The following LAG3 variants were observed in gnomAD, a reference collection of about 807,000 sequenced individuals.
The protein encoded by LAG3 is lymphocyte activating 3.
LAG3 carries 29 observed loss-of-function variants against 49.0 expected under a neutral mutation model. The ratio of observed to expected loss-of-function variants is 0.59; its 90% CI spans 0.44 to 0.81. LAG3 has a LOEUF of 0.81. Ranked by LOEUF, LAG3 falls within the 30% of genes least tolerant of loss-of-function variation. The pLI, the probability that LAG3 is intolerant of heterozygous loss-of-function variation, is 0.00. For synonymous variants in LAG3, 320 were observed against 297.3 expected (o/e 1.08, Z -0.79); for missense variants, 693 against 695.2 (o/e 1.00, Z 0.04).
At chr12:6,774,078 T>A in intron 3 of LAG3, 77 bp downstream of exon 3, 1 of 1,365,920 alleles carries the variant, frequency 7.3e-7, no homozygotes, top group South Asian at 1.7e-5. Flanking sequence ...CAGGAAGGGC[T>A]GGGGCAGAGG....
chr12:6,773,053 G>A lies in LAG3; in HGVS notation c.59-139G>A. On this transcript the variant is annotated intron_variant, in intron 1 of 7. Coordinates refer to ENST00000203629, the MANE Select transcript of LAG3 (RefSeq NM_002286.6). This position sits in a 1 kb window ranked among gnomAD's most constrained non-coding sequence, Gnocchi z 5.5. ...TTTGGGCAGTCCTTCCACCCCGAAA[G>A]CCTCTCTGGGCAGAGAAGAAACAGA... 1 of 1,359,394 alleles carries A rather than the reference G, an allele frequency of 7.4e-7. No individual in the cohort carries two copies. The highest frequency in any genetic ancestry group is 1.0e-6 in the Non-Finnish European group (1 of 980,952). 84.2% of individuals were successfully genotyped at this position (1,359,394 alleles called of 1,614,324 possible).
In LAG3 at chr12:6,774,623, A is replaced by G; in HGVS notation, c.540A>G (p.Arg180=). 4 of 1,613,940 alleles carry G rather than the reference A, an allele frequency of 2.5e-6. No individual in the cohort carries two copies. Among genetic ancestry groups the G allele is most frequent in the Middle Eastern group, 1.7e-4 (1 of 6,060 alleles). Residue 180 remains arginine (R), a synonymous_variant, in exon 4 of 8, where the codon AGA becomes AGG. Coordinates refer to ENST00000203629, the MANE Select transcript of LAG3 (RefSeq NM_002286.6). ...CTGCCAGCCCCCCAGGATCTCTCAG[A>G]GCCTCCGACTGGGTCATTTTGAACT... ...SMTASPPGSL[R]ASDWVILNCS...
Position 6,777,376 on chromosome 12 carries a change from G to T in LAG3, c.1170G>T (p.Gln390His), listed in dbSNP as rs891464358. 1 of 1,614,182 alleles carries T rather than the reference G, an allele frequency of 6.2e-7. No homozygotes were observed. Among genetic ancestry groups the T allele is most frequent in the South Asian group, 1.1e-5 (1 of 91,082 alleles). The change falls in exon 6 of 8, where the codon CAG becomes CAT. Residue 390 changes from glutamine to histidine, a missense_variant. By Grantham distance (24) the Gln-to-His change is conservative. Coordinates refer to ENST00000203629, the MANE Select transcript of LAG3 (RefSeq NM_002286.6). ...GGAGCTCTCTGGACACCCCATCCCA[G>T]AGGAGTTTCTCAGGACCTTGGCTGG... ...FVWSSLDTPS[Q>H]RSFSGPWLEA...
Position 6,774,850 on chromosome 12 carries a change from A to G in LAG3, c.767A>G (p.Asn256Ser). ...RDGFNVSIMYNLTVLGLEPPT... is the reference protein window; with the variant it reads ...RDGFNVSIMYSLTVLGLEPPT... ...GGCTTCAACGTCTCCATCATGTATA[A>G]CCTCACTGTTCTGGGTAACTCCCCC... The change falls in exon 4 of 8, where the codon AAC (asparagine) becomes AGC (serine). Residue 256 changes from asparagine (N) to serine (S), a missense_variant. By Grantham distance (46) the Asn-to-Ser change is conservative. Coordinates refer to ENST00000203629, the MANE Select transcript of LAG3 (RefSeq NM_002286.6). 6.2e-7 allele frequency: 1 copy of G among 1,613,670 alleles called. No individual in the cohort carries two copies. The highest frequency in any genetic ancestry group is 1.1e-5 in the South Asian group (1 of 91,066).
At chr12:6,776,852 G>A (rs1187804562) in intron 5 of LAG3, among the ~76,000 whole-genome samples, 14 of 152,218 alleles carry the variant, frequency 9.2e-5, no homozygotes, top group Admixed American at 9.2e-4. Flanking sequence ...TATTTATTCT[G>A]TGGTCTGCCA....
chr12:6,774,046 C>T lies in LAG3; in HGVS notation c.511+45C>T, dbSNP rs1402165018. 5 of 1,374,986 alleles carry T rather than the reference C, an allele frequency of 3.6e-6. No individual in the cohort carries two copies. The South Asian group carries it at 5.0e-5, about 14-fold the overall frequency. The allele number at this position is 1,374,986 out of a possible 1,614,324, so 85.2% of individuals were successfully genotyped here. A position where few individuals can be genotyped will look rare whatever the true frequency, so the allele number is the denominator to read the frequency against. ...GGGAGAAGGGCTGGGAGGTGGGTCC[C>T]CATCCCCTGCCTCCCGGGACGCAGG... is the stretch of plus-strand genomic sequence containing the variant. On this transcript the variant is annotated intron_variant, in intron 3 of 7. Coordinates refer to ENST00000203629, the MANE Select transcript of LAG3 (RefSeq NM_002286.6).
At chr12:6,778,218 GTC>G (rs1370227111) in intron 7 of LAG3, 24 bp from the exon 8 acceptor site, 4 of 1,556,476 alleles carry the variant, frequency 2.6e-6, no homozygotes, top group Non-Finnish European at 3.5e-6. Flanking sequence ...TCCGCCCTCC[GTC>G]TCTCTCTCCA....
Position 6,775,349 on chromosome 12 carries a change from T to G in LAG3, c.858T>G (p.Ala286=). 6.2e-7 allele frequency: 1 copy of G among 1,614,218 alleles called. No individual in the cohort carries two copies. Among genetic ancestry groups the G allele is most frequent in the Non-Finnish European group, 8.5e-7 (1 of 1,180,046 alleles). Residue 286 remains alanine, a synonymous_variant, in exon 5 of 8, where the codon GCT becomes GCG. Coordinates refer to ENST00000203629, the MANE Select transcript of LAG3 (RefSeq NM_002286.6). ...TGGGGCTGCCCTGCCGCCTGCCTGC[T>G]GGTGTGGGGACCCGGTCTTTCCTCA... ...SRVGLPCRLP[A]GVGTRSFLTA...
chr12:6,773,838 GC>G lies in LAG3; in HGVS notation c.349del (p.Gln117SerfsTer55). On this transcript the variant is annotated frameshift_variant, in exon 3 of 8. Transcript: ENST00000203629. LOFTEE classifies it high-confidence loss of function. The surrounding 1 kb of genome is among the most constrained non-coding windows in gnomAD (Gnocchi z 5.5). ...GGLRSGRLPLQPRVQLDERGR... is the reference protein window; with the variant it reads ...GGLRSGRLPLXPRVQLDERGR... Reference sequence around the variant, plus strand: ...GCCTGCGCAGCGGGAGGCTGCCCCTGCAGCCCCGCGTCCAGCTGGATGAGCG... The same window carrying G: ...GCCTGCGCAGCGGGAGGCTGCCCCTGAGCCCCGCGTCCAGCTGGATGAGCG... The G allele has an allele frequency of 7.1e-7, 1 of 1,411,032 alleles. No individual in the cohort carries two copies. The highest frequency in any genetic ancestry group is 9.2e-7 in the Non-Finnish European group (1 of 1,087,474). 87.4% of individuals were successfully genotyped at this position (1,411,032 alleles called of 1,614,324 possible).
Position 6,773,461 on chromosome 12 carries a change from C to A in LAG3, c.206+122C>A. On this transcript the variant is annotated intron_variant, in intron 2 of 7. Coordinates refer to ENST00000203629, the MANE Select transcript of LAG3 (RefSeq NM_002286.6). The surrounding 1 kb of genome is among the most constrained non-coding windows in gnomAD (Gnocchi z 5.5). ...CTCTGAAGCCAGTGACCCAGTCTCCCTGCCCTCGCTTGCACCGTTCCTGCC... is the reference window on the plus strand; with the variant it reads ...CTCTGAAGCCAGTGACCCAGTCTCCATGCCCTCGCTTGCACCGTTCCTGCC... 1 of 1,269,234 alleles carries A rather than the reference C, an allele frequency of 7.9e-7. No homozygotes were observed. The highest frequency in any genetic ancestry group is 1.1e-6 in the Non-Finnish European group (1 of 917,796). 78.6% of individuals were successfully genotyped at this position (1,269,234 alleles called of 1,614,324 possible). A position where few individuals can be genotyped will look rare whatever the true frequency, so the allele number is the denominator to read the frequency against.
At position 6,773,582 on chromosome 12, in the gene LAG3, T is replaced by C. The variant is rs953499472; in HGVS notation, c.207-115T>C. The C allele has an allele frequency of 1.5e-5, 19 of 1,261,494 alleles. No homozygotes were observed. Among genetic ancestry groups the C allele is most frequent in the Non-Finnish European group, 1.9e-5 (19 of 975,914 alleles). 78.1% of individuals were successfully genotyped at this position (1,261,494 alleles called of 1,614,324 possible). On this transcript the variant is annotated intron_variant, in intron 2 of 7. Transcript: ENST00000203629. This position sits in a 1 kb window ranked among gnomAD's most constrained non-coding sequence, Gnocchi z 5.5. ...GAGGGGTCGGGCGTGAGGGGACGGT[T>C]GGTGGTCAAGAGAACTCTTGGGGCG...
chr12:6,778,082 T>C lies in LAG3; in HGVS notation c.1431+161T>C. The stretch of plus-strand genomic sequence containing the variant: ...AGCCTCTCACTCCAGGGATGGCTTG[T>C]GCCTGGGTAGGCTGGAAGGGGGGTT... On this transcript the variant is annotated intron_variant, in intron 7 of 7. Coordinates refer to ENST00000203629, the MANE Select transcript of LAG3 (RefSeq NM_002286.6). The C allele has an allele frequency of 3.0e-6, 4 of 1,338,428 alleles. No individual in the cohort carries two copies. The Admixed American group carries it at 8.2e-5, about 27-fold the overall frequency. The allele number at this position is 1,338,428 out of a possible 1,614,324, so 82.9% of individuals were successfully genotyped here. A position where few individuals can be genotyped will look rare whatever the true frequency, so the allele number is the denominator to read the frequency against.
At chr12:6,774,570 T>C in intron 3 of LAG3, 25 bp from the exon 4 acceptor site, 1 of 1,599,300 alleles carries the variant, frequency 6.3e-7, no homozygotes, top group African/African-American at 1.3e-5. Flanking sequence ...AGTGGGCTGA[T>C]GAAGTCTTCT....
chr12:6,773,933 G>C lies in LAG3; in HGVS notation c.443G>C (p.Arg148Pro). The C allele has an allele frequency of 7.1e-7, 1 of 1,402,466 alleles. No homozygotes were observed. 86.9% of individuals were successfully genotyped at this position (1,402,466 alleles called of 1,614,324 possible). The change falls in exon 3 of 8, where the codon CGC becomes CCC. Residue 148 changes from arginine (R) to proline (P), a missense_variant. By Grantham distance (103) the Arg-to-Pro change is moderately radical. Transcript: ENST00000203629. The surrounding 1 kb of genome is among the most constrained non-coding windows in gnomAD (Gnocchi z 5.5). ...PARRADAGEYRAAVHLRDRAL... is the reference protein window; with the variant it reads ...PARRADAGEYPAAVHLRDRAL... ...CGGCGCGCGGACGCCGGCGAGTACCGCGCCGCGGTGCACCTCAGGGACCGC... is the reference window on the plus strand; with the variant it reads ...CGGCGCGCGGACGCCGGCGAGTACCCCGCCGCGGTGCACCTCAGGGACCGC...
In LAG3 at chr12:6,777,291, G is replaced by A. The variant is rs769614441; in HGVS notation, c.1085G>A (p.Gly362Glu). Residue 362 changes from glycine (G) to glutamate (E), a missense_variant, in exon 6 of 8, where the codon GGA becomes GAA. Transcript: ENST00000203629. Reference protein sequence around the residue: ...TVTPKSFGSPGSLGKLLCEVT... With the variant: ...TVTPKSFGSPESLGKLLCEVT... Reference sequence around the variant, plus strand: ...ACTCCCAAATCCTTTGGGTCACCTGGATCCCTGGGGAAGCTGCTTTGTGAG... The same window carrying A: ...ACTCCCAAATCCTTTGGGTCACCTGAATCCCTGGGGAAGCTGCTTTGTGAG... 1 of 1,614,038 alleles carries A rather than the reference G, an allele frequency of 6.2e-7. No individual in the cohort carries two copies. The highest frequency in any genetic ancestry group is 8.5e-7 in the Non-Finnish European group (1 of 1,180,030).
Position 6,774,009 on chromosome 12 carries a change from G to A in LAG3, c.511+8G>A. On this transcript the variant is annotated splice_region_variant and intron_variant, in intron 3 of 7. Coordinates refer to ENST00000203629, the MANE Select transcript of LAG3 (RefSeq NM_002286.6). The stretch of plus-strand genomic sequence containing the variant: ...GCCTGGGCCAGGCCTCGAGTATGTG[G>A]GGCGGGACGATGGGAGAAGGGCTGG... 1.4e-6 allele frequency: 2 copies of A among 1,411,250 alleles called. No individual in the cohort carries two copies. The highest frequency in any genetic ancestry group is 1.8e-6 in the Non-Finnish European group (2 of 1,093,456). The allele number at this position is 1,411,250 out of a possible 1,614,324, so 87.4% of individuals were successfully genotyped here.
chr12:6,773,430 C>A lies in LAG3; in HGVS notation c.206+91C>A. On this transcript the variant is annotated intron_variant, in intron 2 of 7. Coordinates refer to ENST00000203629, the MANE Select transcript of LAG3 (RefSeq NM_002286.6). The surrounding 1 kb of genome is among the most constrained non-coding windows in gnomAD (Gnocchi z 5.5). ...TCCTCTGTCCCCTGCCCTGAGGTGT[C>A]ACTCCCTCTGAAGCCAGTGACCCAG... 1.4e-6 allele frequency: 2 copies of A among 1,471,386 alleles called. No individual in the cohort carries two copies. Among genetic ancestry groups the A allele is most frequent in the Non-Finnish European group, 1.9e-6 (2 of 1,079,502 alleles). 91.1% of individuals were successfully genotyped at this position (1,471,386 alleles called of 1,614,324 possible).
At chr12:6,775,667 G>C in intron 5 of LAG3, 119 bp downstream of exon 5, 2 of 962,506 alleles carry the variant, frequency 2.1e-6, no homozygotes, top group Non-Finnish European at 3.1e-6. Flanking sequence ...CTGGGCACAA[G>C]TTCCAGAGCC....
chr12:6,773,343 T>A lies in LAG3; in HGVS notation c.206+4T>A. On this transcript the variant is annotated splice_donor_region_variant and intron_variant, in intron 2 of 7. Transcript: ENST00000203629. The surrounding 1 kb of genome is among the most constrained non-coding windows in gnomAD (Gnocchi z 5.5). ...CTTGGCAGCATCAGCCAGACAGGTATGCACCCCAAACTTGGGCAACAGGAC... is the reference window on the plus strand; with the variant it reads ...CTTGGCAGCATCAGCCAGACAGGTAAGCACCCCAAACTTGGGCAACAGGAC... 1 of 1,613,468 alleles carries A rather than the reference T, an allele frequency of 6.2e-7. No individual in the cohort carries two copies. The highest frequency in any genetic ancestry group is 8.5e-7 in the Non-Finnish European group (1 of 1,179,876).
Sources: gnomAD v4.1 joint callset for allele counts (sites outside exome capture counted in the v4.1 genomes callset) on GRCh38, gnomAD v4.1.1 for gene constraint, Gnocchi (gnomAD v3.1) non-coding constraint, MANE v1.5 for transcripts, NCBI Gene and HGNC (gene_info 2026-07-23, HGNC 2026-07-21) for gene names.